EDIL3: variants seen among roughly 807,000 people sequenced by gnomAD.
EDIL3 encodes the protein EGF-like repeat and discoidin I-like domain-containing protein 3.
Under a neutral mutation model 67.4 loss-of-function variants are expected in EDIL3, and 37 were observed. That is an observed-to-expected ratio of 0.55 (90% confidence interval 0.42 to 0.72). The LOEUF is 0.72. Among genes scored for constraint, EDIL3 ranks in the 30% least tolerant of loss-of-function variants. The probability of loss-of-function intolerance (pLI) is 0.00; values close to 1 mark genes in which losing one functional copy is unlikely to be tolerated. For synonymous variants in EDIL3, 195 were observed against 196.3 expected, an observed-to-expected ratio of 0.99 and a Z score of 0.05; for missense variants, 527 against 586.3, an observed-to-expected ratio of 0.90 and a Z score of 1.04.
intron 1 of EDIL3, among the ~76,000 whole-genome samples, chr5:84,281,504 C>A (rs781200230): frequency 5.3e-5 from 8 of 152,340 alleles, no homozygotes; most frequent in Admixed American, 3.3e-4. Context: ...ACATGAAACA[C>A]TCAGCAAAGT....
At chr5:84,069,300 A>C (rs1746694162) in intron 6 of EDIL3, among the ~76,000 whole-genome samples, 1 of 152,190 alleles carries the variant, frequency 6.6e-6, no homozygotes, top group African/African-American at 2.4e-5. Context: ...TGATAATCTG[A>C]ATCTAGAATG....
chr5:84,252,518 A>AAAAAAAAAAAAAAAAAAAAAAAAAAAAAC (rs1745045066), intron 2 of EDIL3, among the ~76,000 whole-genome samples: 1 of 148,670 alleles, frequency 6.7e-6, no homozygotes, highest in African/African-American at 2.5e-5. Context: ...AAAAAAAAAA[A>AAAAAAAAAAAAAAAAAAAAAAAAAAAAAC]TTCTGCTAAG....
At chr5:83,944,050 G>C (rs565721320) in intron 10 of EDIL3, among the ~76,000 whole-genome samples, 1 of 152,110 alleles carries the variant, frequency 6.6e-6, no homozygotes, top group African/African-American at 2.4e-5. Flanking sequence ...CATGGAAGCA[G>C]CTTATATCAC....
At chr5:84,262,659 G>GTTTTTTTTTTTTTTTTTTGTTTTTT (rs1745251665) in intron 1 of EDIL3, among the ~76,000 whole-genome samples, 1 of 46,310 alleles carries the variant, frequency 2.2e-5, no homozygotes, top group Non-Finnish European at 3.6e-5. Flanking sequence ...AGGTTGGTTG[G>GTTTTTTTTTTTTTTTTTTGTTTTTT]TTTTTTTTTT....
intron 1 of EDIL3, among the ~76,000 whole-genome samples, chr5:84,263,644 A>G (rs1036106857): frequency 2.0e-5 from 3 of 152,200 alleles, no homozygotes; most frequent in African/African-American, 7.2e-5. Flanking sequence ...AATGCAGGTT[A>G]CAAGTTTAGT....
rs1310383418 is a variant in EDIL3, at chr5:84,305,913, A to AG, written c.68-51702_68-51701insC. On this transcript the variant is annotated intron_variant, in intron 1 of 10. Transcript: ENST00000296591. ...TAAATAAATAAATAAATAAATAAAT[A>AG]AATAAATAGATAGATAAATAAATAA... Among the ~76,000 whole-genome samples, 414 of 149,198 alleles carry AG rather than the reference A, an allele frequency of 2.8e-3. 2 individuals carry two copies. The highest frequency in any genetic ancestry group is 9.3e-3 in the South Asian group (42 of 4,540).
rs552874498 is a variant in EDIL3, at chr5:83,963,339, T to G, written c.1159A>C (p.Lys387Gln). 131 of 1,606,922 alleles carry G rather than the reference T, an allele frequency of 8.2e-5. 3 individuals carry two copies. Among genetic ancestry groups the G allele is most frequent in the Admixed American group, 5.8e-4 (34 of 59,048 alleles). Residue 387 changes from lysine (K) to glutamine (Q), a missense_variant, in exon 10 of 11, where the codon AAA (lysine) becomes CAA (glutamine). Transcript: ENST00000296591. ...CCTTGTGTAATGATGCCAGTCACTT[T>G]GGTTGGAACAAGAAGATCCACCTTA... ...WLQVDLLVPT[K>Q]VTGIITQGAK...
intron 1 of EDIL3, among the ~76,000 whole-genome samples, chr5:84,271,122 C>A (rs1745464637): frequency 6.6e-6 from 1 of 152,092 alleles, no homozygotes; most frequent in East Asian, 1.9e-4. Context: ...CTAATTGACC[C>A]TATTTGAAAA....
In EDIL3 at chr5:83,940,756, C is replaced by T. The variant is rs1298508260; in HGVS notation, c.*2663G>A. On this transcript the variant is annotated 3_prime_UTR_variant, in exon 11 of 11. Coordinates refer to ENST00000296591, the MANE Select transcript of EDIL3 (RefSeq NM_005711.5). Reference sequence around the variant, plus strand: ...GTTATTTGTGTCTTAGTTATTTCTGCACTTAATGACACATCAGACGCATTG... The same window carrying T: ...GTTATTTGTGTCTTAGTTATTTCTGTACTTAATGACACATCAGACGCATTG... The T allele has an allele frequency of 6.6e-6, 1 of 151,928 alleles. No homozygotes were observed. The highest frequency in any genetic ancestry group is 1.5e-5 in the Non-Finnish European group (1 of 67,870). The allele number at this position is 151,928 out of a possible 1,614,324, so 9.4% of individuals were successfully genotyped here. A position where few individuals can be genotyped will look rare whatever the true frequency, so the allele number is the denominator to read the frequency against.
At chr5:84,037,856 T>A (rs919859592) in intron 9 of EDIL3, among the ~76,000 whole-genome samples, 3 of 152,140 alleles carry the variant, frequency 2.0e-5, no homozygotes, top group African/African-American at 7.2e-5. Flanking sequence ...TTAAAAAAAA[T>A]TATTTGTCAT....
chr5:84,126,963 C>T (rs964501979), intron 5 of EDIL3, among the ~76,000 whole-genome samples: 9 of 152,044 alleles, frequency 5.9e-5, no homozygotes, highest in Non-Finnish European at 1.0e-4. Context: ...TATGAGGCAA[C>T]ACTTATATAC....
intron 6 of EDIL3, among the ~76,000 whole-genome samples, chr5:84,077,389 A>T (rs2009272): frequency 0.3 from 45,067 of 152,120 alleles, 6,856 homozygotes; most frequent in African/African-American, 0.36. Flanking sequence ...GTATGAGTCC[A>T]TTTTCATACT....
At chr5:84,210,885 C>T (rs1025366307) in intron 3 of EDIL3, among the ~76,000 whole-genome samples, 1 of 152,176 alleles carries the variant, frequency 6.6e-6, no homozygotes, top group Non-Finnish European at 1.5e-5. Context: ...TATTTCATTA[C>T]ACAATATGTT....
intron 4 of EDIL3, among the ~76,000 whole-genome samples, chr5:84,148,258 A>G (rs527533947): frequency 3.0e-4 from 45 of 152,170 alleles, no homozygotes; most frequent in Non-Finnish European, 5.7e-4. Context: ...TTCTGTACAC[A>G]CATACTTCTA....
At chr5:84,205,712 A>G (rs1180278757) in intron 3 of EDIL3, among the ~76,000 whole-genome samples, 4 of 152,090 alleles carry the variant, frequency 2.6e-5, no homozygotes, top group African/African-American at 2.4e-5. Flanking sequence ...AGGTGTTTGT[A>G]GTATTCTCTG....
chr5:84,313,252 C>T (rs1279664343), intron 1 of EDIL3, among the ~76,000 whole-genome samples: 1 of 152,190 alleles, frequency 6.6e-6, no homozygotes, highest in East Asian at 1.9e-4. Context: ...TGCAGCTCCA[C>T]ATTACATTAA....
intron 9 of EDIL3, among the ~76,000 whole-genome samples, chr5:84,016,266 T>C (rs381708): frequency 0.81 from 123,924 of 152,156 alleles, 52,365 homozygotes; most frequent in Non-Finnish European, 0.92. Flanking sequence ...TGTGGTTTCT[T>C]GCCAAAAGGG....
intron 6 of EDIL3, 59 bp downstream of exon 6, chr5:84,106,590 T>G (rs1747466669): frequency 2.7e-6 from 4 of 1,477,804 alleles, no homozygotes; most frequent in Non-Finnish European, 3.6e-6. Context: ...CTTTTTAAAA[T>G]GACCAGAATC....
chr5:84,110,114 T>C (rs975561085), intron 5 of EDIL3, among the ~76,000 whole-genome samples: 3 of 152,178 alleles, frequency 2.0e-5, no homozygotes, highest in African/African-American at 2.4e-5. Flanking sequence ...TGGTGGCTTG[T>C]ACACAGGAAA....
Sources: gnomAD v4.1 joint callset for allele counts (sites outside exome capture counted in the v4.1 genomes callset) on GRCh38, gnomAD v4.1.1 for gene constraint, MANE v1.5 for transcripts, NCBI Gene and HGNC (gene_info 2026-07-23, HGNC 2026-07-21) for gene names.